EPYC: variants seen among roughly 807,000 people sequenced by gnomAD.
The protein encoded by EPYC is epiphycan, also known as dermatan sulfate proteoglycan 3.
A neutral mutation model predicts 30.1 loss-of-function variants in EPYC; 28 were observed. The ratio of observed to expected loss-of-function variants is 0.93; its 90% CI spans 0.69 to 1.28. The LOEUF (loss-of-function observed/expected upper bound fraction) is 1.28, where lower values mean the gene tolerates loss of function less well. EPYC is among the 50% of genes most tolerant of loss of function. EPYC has a pLI of 0.00. For missense variants in EPYC, 382 were observed against 383.5 expected, an observed-to-expected ratio of 1.00 and a Z score of 0.03; for synonymous variants, 144 against 141.4, an observed-to-expected ratio of 1.02 and a Z score of -0.13.
intron 2 of EPYC, among the ~76,000 whole-genome samples, chr12:90,986,516 G>A (rs2120844005): frequency 6.6e-6 from 1 of 152,242 alleles, no homozygotes; most frequent in Admixed American, 6.5e-5. Context: ...GAAGCAGAAT[G>A]GTAGGAAGCA....
intron 2 of EPYC, among the ~76,000 whole-genome samples, chr12:91,001,297 G>A (rs1045377494): frequency 2.0e-5 from 3 of 151,914 alleles, no homozygotes; most frequent in East Asian, 1.9e-4. Flanking sequence ...TTAAATATAC[G>A]ATTTCATCTA....
Position 90,970,118 on chromosome 12 carries a change from G to A in EPYC, c.724C>T (p.Leu242=). 6.2e-7 allele frequency: 1 copy of A among 1,613,472 alleles called. No individual in the cohort carries two copies. Among genetic ancestry groups the A allele is most frequent in the Non-Finnish European group, 8.5e-7 (1 of 1,179,414 alleles). The stretch of plus-strand genomic sequence containing the variant: ...TCCAAGTTGTTATCAGTGAGGTACA[G>A]ATGATGGAGATCATACATGTCCTGT... The part of the protein sequence containing the change: ...AFKDMYDLHH[L]YLTDNNLDHI... Residue 242 remains leucine, a synonymous_variant, in exon 6 of 7, where the codon CTG becomes TTG. Transcript: ENST00000261172.
chr12:90,974,070 A>ACACACACC (rs1877123261), intron 3 of EPYC, among the ~76,000 whole-genome samples: 2 of 147,180 alleles, frequency 1.4e-5, no homozygotes, highest in Non-Finnish European at 3.0e-5. Flanking sequence ...ACACACACAC[A>ACACACACC]CACCCCTACC....
intron 6 of EPYC, among the ~76,000 whole-genome samples, 162 bp from the exon 7 acceptor site, chr12:90,964,488 A>G (rs1052645527): frequency 2.0e-5 from 3 of 152,174 alleles, no homozygotes; most frequent in Admixed American, 6.5e-5. Flanking sequence ...AATGGGGGTA[A>G]ATTAGGAAAT....
rs761812397 is a variant in EPYC, at chr12:90,969,651, GT to G, written c.798+392del. On this transcript the variant is annotated intron_variant, in intron 6 of 6. Transcript: ENST00000261172. The stretch of plus-strand genomic sequence containing the variant: ...CCTAAAATCACAGGCTGAAACTGAT[GT>G]TTTTTTTTTCCCCTGACAGCTAAAT... 5.8e-3 allele frequency among the ~76,000 whole-genome samples: 859 copies of G among 148,678 alleles called. 6 individuals are homozygous for G. Among genetic ancestry groups the G allele is most frequent in the African/African-American group, 0.019 (753 of 40,602 alleles).
chr12:91,002,269 G>T (rs1877848935), intron 2 of EPYC, 132 bp downstream of exon 2: 3 of 648,726 alleles, frequency 4.6e-6, no homozygotes, highest in Non-Finnish European at 5.0e-6. Flanking sequence ...TTGGAGAAAA[G>T]GTTAATATGA....
chr12:90,964,213 G>C lies in EPYC; in HGVS notation c.912C>G (p.Ser304Arg), dbSNP rs1876834189. The stretch of plus-strand genomic sequence containing the variant: ...GACACATGTATGCTTGAGGAGTTTT[G>C]CTGAGATTAATAGGGTTTCCATCCA... ...IRLDGNPINL[S>R]KTPQAYMCLP... is the part of the protein sequence containing the mutation. The change falls in exon 7 of 7, where the codon AGC (serine) becomes AGG (arginine). Residue 304 changes from serine (S) to arginine (R), a missense_variant. Transcript: ENST00000261172. 8 of 1,613,398 alleles carry C rather than the reference G, an allele frequency of 5.0e-6. No individual in the cohort carries two copies. Among genetic ancestry groups the C allele is most frequent in the Non-Finnish European group, 5.9e-6 (7 of 1,179,624 alleles).
chr12:90,967,570 G>C (rs1472657409), intron 6 of EPYC, among the ~76,000 whole-genome samples: 2 of 152,172 alleles, frequency 1.3e-5, no homozygotes, highest in Non-Finnish European at 2.9e-5. Flanking sequence ...TGTGTATTTT[G>C]AAATTGTTGG....
chr12:91,002,405 A>G lies in EPYC; in HGVS notation c.161T>C (p.Val54Ala). The change falls in exon 2 of 7, where the codon GTT becomes GCT. Residue 54 changes from valine (V) to alanine (A), a missense_variant. Transcript: ENST00000261172. ...AAGAGTAGGAGGATCGATTACCTCA[A>G]CTTTATCAACAGGTATGTTTTCATA... ...YNYENIPVDK[V>A]EIEIATVMPS... 6.2e-7 allele frequency: 1 copy of G among 1,611,216 alleles called. No homozygotes were observed. The highest frequency in any genetic ancestry group is 8.5e-7 in the Non-Finnish European group (1 of 1,178,882).
intron 5 of EPYC, 29 bp downstream of exon 5, chr12:90,971,771 A>C: frequency 2.2e-6 from 3 of 1,385,848 alleles, no homozygotes; most frequent in African/African-American, 1.5e-5. Flanking sequence ...TTGGAAGATA[A>C]AAGTCTGCAT....
At chr12:90,977,677 G>A (rs1877218575) in intron 3 of EPYC, among the ~76,000 whole-genome samples, 1 of 152,076 alleles carries the variant, frequency 6.6e-6, no homozygotes, top group Non-Finnish European at 1.5e-5. Flanking sequence ...GCCACAGATA[G>A]TATATGCTCA....
Position 90,964,030 on chromosome 12 carries a change from A to G in EPYC, c.*126T>C. 1.5e-6 allele frequency: 1 copy of G among 664,396 alleles called. No individual in the cohort carries two copies. The highest frequency in any genetic ancestry group is 2.4e-6 in the Non-Finnish European group (1 of 412,086). The allele number at this position is 664,396 out of a possible 1,614,324, so 41.2% of individuals were successfully genotyped here. On this transcript the variant is annotated 3_prime_UTR_variant, in exon 7 of 7. Coordinates refer to ENST00000261172, the MANE Select transcript of EPYC (RefSeq NM_004950.5). ...TTTTCATTATAACATTTTTAATTGT[A>G]TTTTATGTAGTCATATCATCTCTCA...
At chr12:90,974,204 C>A (rs1320224467) in intron 3 of EPYC, among the ~76,000 whole-genome samples, 3 of 151,880 alleles carry the variant, frequency 2.0e-5, no homozygotes, top group African/African-American at 4.8e-5. Flanking sequence ...TCATGGAGGC[C>A]ATGTGGGGAG....
chr12:90,995,009 G>T (rs887959332), intron 2 of EPYC, among the ~76,000 whole-genome samples: 3 of 152,052 alleles, frequency 2.0e-5, no homozygotes, highest in African/African-American at 7.2e-5. Flanking sequence ...TTTGGCCTGA[G>T]TTACTAAAGA....
chr12:90,988,543 A>G (rs189908887), intron 2 of EPYC, among the ~76,000 whole-genome samples: 20 of 152,290 alleles, frequency 1.3e-4, no homozygotes, highest in Non-Finnish European at 2.5e-4. Flanking sequence ...TTCTCCAATT[A>G]TGAAAATAAC....
Position 90,971,849 on chromosome 12 carries a change from A to T in EPYC, c.653T>A (p.Ile218Asn). ...TTTCCTTCCAAGTCTATTGTTGCTAATATCAATAAATGTCAAAGTGGTTGG... is the reference window on the plus strand; with the variant it reads ...TTTCCTTCCAAGTCTATTGTTGCTATTATCAATAAATGTCAAAGTGGTTGG... Reference protein sequence around the residue: ...ELPTTLTFIDISNNRLGRKGI... With the variant: ...ELPTTLTFIDNSNNRLGRKGI... The change falls in exon 5 of 7, where the codon ATT (isoleucine) becomes AAT (asparagine). Residue 218 changes from isoleucine (I) to asparagine (N), a missense_variant. Transcript: ENST00000261172. The T allele has an allele frequency of 6.2e-7, 1 of 1,612,180 alleles. No homozygotes were observed. Among genetic ancestry groups the T allele is most frequent in the Non-Finnish European group, 8.5e-7 (1 of 1,179,324 alleles).
chr12:90,991,399 T>C (rs1877583195), intron 2 of EPYC, among the ~76,000 whole-genome samples: 1 of 152,014 alleles, frequency 6.6e-6, no homozygotes, highest in African/African-American at 2.4e-5. Context: ...GTCCCAATTC[T>C]GGCTTAGAAA....
intron 2 of EPYC, among the ~76,000 whole-genome samples, chr12:91,000,424 G>A (rs1038771878): frequency 1.3e-5 from 2 of 152,026 alleles, no homozygotes; most frequent in African/African-American, 4.8e-5. Context: ...ATGTTTGTTA[G>A]CTTAAATTTC....
In EPYC at chr12:91,001,915, G is replaced by T. The variant is rs1169058830; in HGVS notation, c.165+486C>A. 2.6e-5 allele frequency among the ~76,000 whole-genome samples: 4 copies of T among 151,990 alleles called. No individual in the cohort carries two copies. In the East Asian group the frequency reaches 7.7e-4, roughly 29 times the overall value. ...TAAAAAAACAAAAGACTAGCCAGGT[G>T]CAGTGGCTTACACCTGTAATCCCAG... On this transcript the variant is annotated intron_variant, in intron 2 of 6. Coordinates refer to ENST00000261172, the MANE Select transcript of EPYC (RefSeq NM_004950.5).
Sources: allele counts gnomAD v4.1 joint callset (sites outside exome capture counted in the v4.1 genomes callset), GRCh38; gene constraint gnomAD v4.1.1; transcripts MANE v1.5; gene names NCBI Gene and HGNC (gene_info 2026-07-23, HGNC 2026-07-21).